The following CAMTA1 variants were observed in gnomAD, a reference collection of about 807,000 sequenced individuals.
CAMTA1 encodes the protein calmodulin binding transcription activator 1, also known as calmodulin-binding transcription activator 1.
A neutral mutation model predicts 170.9 loss-of-function variants in CAMTA1; 27 were observed. The observed-to-expected ratio is 0.16, with a 90% CI of 0.12 to 0.22. The LOEUF (loss-of-function observed/expected upper bound fraction) is 0.22. Among genes scored for constraint, CAMTA1 ranks in the 10% least tolerant of loss-of-function variants. The pLI is 1.00. For synonymous variants in CAMTA1, 833 were observed against 891.5 expected, an observed-to-expected ratio of 0.93 and a Z score of 1.17; for missense variants, 1,619 against 2,217.2, an observed-to-expected ratio of 0.73 and a Z score of 5.42.
At chr1:6,843,263 T>TCTACAG (rs1468415479) in intron 3 of CAMTA1, among the ~76,000 whole-genome samples, 1 of 152,230 alleles carries the variant, frequency 6.6e-6, no homozygotes. Flanking sequence ...TGCTGTTCTT[T>TCTACAG]CTACAGCTTA....
At chr1:7,445,214 G>A (rs1223390715) in intron 5 of CAMTA1, among the ~76,000 whole-genome samples, 1 of 151,726 alleles carries the variant, frequency 6.6e-6, no homozygotes, top group Non-Finnish European at 1.5e-5. Flanking sequence ...GGGAAGTACT[G>A]ATGAATGAGA....
At chr1:7,025,172 C>A (rs1357897594) in intron 3 of CAMTA1, among the ~76,000 whole-genome samples, 2 of 152,230 alleles carry the variant, frequency 1.3e-5, no homozygotes, top group Admixed American at 1.3e-4. Context: ...TGCGCAAGAG[C>A]TGCTCTTGCC....
intron 3 of CAMTA1, among the ~76,000 whole-genome samples, chr1:6,969,540 A>G (rs1294018115): frequency 1.3e-5 from 2 of 152,126 alleles, no homozygotes; most frequent in East Asian, 3.9e-4. Context: ...GCCCAGTGAG[A>G]TGAGCTTTTT....
intron 6 of CAMTA1, among the ~76,000 whole-genome samples, chr1:7,602,714 C>T (rs1168891734): frequency 6.6e-6 from 1 of 152,096 alleles, no homozygotes; most frequent in African/African-American, 2.4e-5. Context: ...AATGTGTTTG[C>T]TCTTGCTTTT....
At chr1:7,026,771 C>A (rs1702080559) in intron 3 of CAMTA1, among the ~76,000 whole-genome samples, 1 of 151,602 alleles carries the variant, frequency 6.6e-6, no homozygotes, top group African/African-American at 2.4e-5. Flanking sequence ...GCTGGGACTA[C>A]AAGCACGTGC....
chr1:7,498,229 AGAGT>A (rs914001769), intron 6 of CAMTA1, among the ~76,000 whole-genome samples: 4 of 149,368 alleles, frequency 2.7e-5, no homozygotes, highest in African/African-American at 9.9e-5. Context: ...TGTGTGTATG[AGAGT>A]GAGTGTGGAT....
At chr1:7,618,915 A>G (rs1362437616) in intron 6 of CAMTA1, among the ~76,000 whole-genome samples, 1 of 151,840 alleles carries the variant, frequency 6.6e-6, no homozygotes, top group African/African-American at 2.4e-5. Context: ...GAAATGCTTT[A>G]TTCTTGTCTC....
At position 7,686,727 on chromosome 1, in the gene CAMTA1, G is replaced by A. The variant is rs527512934; in HGVS notation, c.2914+8994G>A. Reference sequence around the variant, plus strand: ...ACAGAGACTACTCCAGGGCTCTTGCGTCCGTTCGGGCAAGAGGCGATTGTG... The same window carrying A: ...ACAGAGACTACTCCAGGGCTCTTGCATCCGTTCGGGCAAGAGGCGATTGTG... On this transcript the variant is annotated intron_variant, in intron 11 of 22. Transcript: ENST00000303635. Among the ~76,000 whole-genome samples, 561 of 152,290 alleles carry A rather than the reference G, an allele frequency of 3.7e-3. 2 individuals carry two copies. Among genetic ancestry groups the A allele is most frequent in the Non-Finnish European group, 6.6e-3 (449 of 68,028 alleles).
At chr1:7,057,361 T>C (rs1707507193) in intron 3 of CAMTA1, among the ~76,000 whole-genome samples, 1 of 152,180 alleles carries the variant, frequency 6.6e-6, no homozygotes, top group Non-Finnish European at 1.5e-5. Context: ...AACAGGGTTT[T>C]TAAAAAATCA....
At chr1:7,657,912 TAAG>T (rs1250208903) in intron 7 of CAMTA1, among the ~76,000 whole-genome samples, 4 of 152,086 alleles carry the variant, frequency 2.6e-5, no homozygotes, top group African/African-American at 4.8e-5. Context: ...CTTCACAACA[TAAG>T]GAGGAGAACA....
At chr1:7,203,623 G>A (rs1657112269) in intron 4 of CAMTA1, among the ~76,000 whole-genome samples, 1 of 151,234 alleles carries the variant, frequency 6.6e-6, no homozygotes, top group African/African-American at 2.4e-5. Flanking sequence ...GTTCATCTAA[G>A]CTATCTAATT....
intron 4 of CAMTA1, among the ~76,000 whole-genome samples, chr1:7,156,845 C>T (rs1470472595): frequency 2.0e-5 from 3 of 152,076 alleles, no homozygotes; most frequent in Non-Finnish European, 4.4e-5. Context: ...TCCTTTCTTG[C>T]TAAGTCCTCC....
intron 22 of CAMTA1, among the ~76,000 whole-genome samples, chr1:7,757,863 C>G (rs2150238886): frequency 6.6e-6 from 1 of 152,286 alleles, no homozygotes; most frequent in South Asian, 2.1e-4. Context: ...CAGCTATACT[C>G]TTACGTAAAC....
At chr1:7,472,257 G>C (rs893535453) in intron 6 of CAMTA1, among the ~76,000 whole-genome samples, 9 of 152,156 alleles carry the variant, frequency 5.9e-5, no homozygotes, top group African/African-American at 2.2e-4. Context: ...GCAGGTCGGG[G>C]CTCCCACATC....
At chr1:7,374,120 A>T (rs979422307) in intron 5 of CAMTA1, among the ~76,000 whole-genome samples, 2 of 152,228 alleles carry the variant, frequency 1.3e-5, no homozygotes, top group African/African-American at 4.8e-5. Flanking sequence ...CGTCATTGAC[A>T]AATTGCCCAG....
At chr1:7,330,263 C>T (rs77572087) in intron 5 of CAMTA1, among the ~76,000 whole-genome samples, 63 of 152,264 alleles carry the variant, frequency 4.1e-4, no homozygotes, top group African/African-American at 1.5e-3. Context: ...ACAGAGGGTC[C>T]AAGACACCAG....
chr1:6,789,069 T>C (rs894808474), intron 1 of CAMTA1, among the ~76,000 whole-genome samples: 1 of 152,208 alleles, frequency 6.6e-6, no homozygotes, highest in Non-Finnish European at 1.5e-5. Context: ...CTTTGTCTTC[T>C]TGGAAACCTT....
chr1:7,108,596 G>A (rs371730115), intron 4 of CAMTA1, among the ~76,000 whole-genome samples: 15 of 152,320 alleles, frequency 9.8e-5, no homozygotes, highest in African/African-American at 3.6e-4. Context: ...AACTCAAAGA[G>A]TCCACATCAC....
At chr1:7,551,595 T>G (rs1288451319) in intron 6 of CAMTA1, among the ~76,000 whole-genome samples, 1 of 152,182 alleles carries the variant, frequency 6.6e-6, no homozygotes, top group Non-Finnish European at 1.5e-5. Context: ...GGGGACACTG[T>G]GGCTGCTGAA....
Sources: gnomAD v4.1 joint callset for allele counts (sites outside exome capture counted in the v4.1 genomes callset) on GRCh38, gnomAD v4.1.1 for gene constraint, MANE v1.5 for transcripts, NCBI Gene and HGNC (gene_info 2026-07-23, HGNC 2026-07-21) for gene names.